ABL2: variants seen among roughly 807,000 people sequenced by gnomAD.
ABL2 encodes the protein ABL proto-oncogene 2, non-receptor tyrosine kinase, also known as tyrosine-protein kinase ABL2.
In ABL2, 49 loss-of-function variants were observed where a neutral mutation model predicts 107.7. The observed-to-expected ratio is 0.45, with a 90% CI of 0.36 to 0.58. The LOEUF (loss-of-function observed/expected upper bound fraction) is 0.58. ABL2 is among the 20% of genes least tolerant of loss of function. The pLI, the probability that ABL2 is intolerant of heterozygous loss-of-function variation, is 0.00. For synonymous variants in ABL2, 549 were observed against 548.6 expected (o/e 1.00, Z -0.01); for missense variants, 1,245 against 1,457.0 (o/e 0.85, Z 2.37).
At chr1:179,147,852 A>T (rs986777253) in intron 1 of ABL2, among the ~76,000 whole-genome samples, 8 of 152,262 alleles carry the variant, frequency 5.3e-5, no homozygotes, top group Admixed American at 6.5e-5. Flanking sequence ...AACTTTTTTT[A>T]AAAAAGCAAT....
chr1:179,156,206 C>T (rs992178045), intron 1 of ABL2, among the ~76,000 whole-genome samples: 13 of 152,300 alleles, frequency 8.5e-5, no homozygotes, highest in South Asian at 2.1e-4. Context: ...TATATACACT[C>T]CCTACATATA....
intron 11 of ABL2, 127 bp downstream of exon 11, chr1:179,110,154 TG>T: frequency 9.0e-7 from 1 of 1,115,372 alleles, no homozygotes; most frequent in Non-Finnish European, 1.3e-6. Context: ...GCTTCATGGG[TG>T]GGTAAAAGAG....
At chr1:179,136,171 G>A (rs1415500640) in intron 1 of ABL2, among the ~76,000 whole-genome samples, 4 of 151,910 alleles carry the variant, frequency 2.6e-5, no homozygotes, top group Non-Finnish European at 5.9e-5. Flanking sequence ...GGGAAGTGAG[G>A]AGCCCCTCTG....
chr1:179,229,170 G>GCCCCCCCCCCCCCCCCCCCCCC lies in ABL2; in HGVS notation c.157+70_157+71insGGGGGGGGGGGGGGGGGGGGGG. On this transcript the variant is annotated intron_variant, in intron 1 of 11. Transcript: ENST00000502732. ...CTCCGACCCCTCGGGCAGCCCGTCCGCCACCCACCCCGCCCCGACCCCACC... is the reference window on the plus strand; with the variant it reads ...CTCCGACCCCTCGGGCAGCCCGTCCGCCCCCCCCCCCCCCCCCCCCCCCCACCCACCCCGCCCCGACCCCACC... 2.6e-5 allele frequency: 7 copies of GCCCCCCCCCCCCCCCCCCCCCC among 266,256 alleles called. 3 individuals are homozygous for GCCCCCCCCCCCCCCCCCCCCCC. Among genetic ancestry groups the GCCCCCCCCCCCCCCCCCCCCCC allele is most frequent in the African/African-American group, 6.0e-5 (2 of 33,060 alleles). The allele number at this position is 266,256 out of a possible 1,614,324, so 16.5% of individuals were successfully genotyped here.
intron 1 of ABL2, among the ~76,000 whole-genome samples, chr1:179,177,780 T>C (rs1660134053): frequency 6.6e-6 from 1 of 152,200 alleles, no homozygotes. Context: ...AGCTTTTTGG[T>C]TGGAGAATAA....
chr1:179,119,546 C>G (rs2102620508), intron 6 of ABL2, among the ~76,000 whole-genome samples: 1 of 150,030 alleles, frequency 6.7e-6, no homozygotes, highest in East Asian at 1.9e-4. Flanking sequence ...CCCCACACCC[C>G]CCCAAAAAAA....
chr1:179,126,678 C>A lies in ABL2; in HGVS notation c.392-6G>T. ...AAGGACTCGTAGCTTTTCACCTAGC[C>A]ATAAGGTCATCACAGGATGAAAGAA... On this transcript the variant is annotated splice_polypyrimidine_tract_variant and splice_region_variant and intron_variant, in intron 3 of 11. Transcript: ENST00000502732. This position sits in a 1 kb window ranked among gnomAD's most constrained non-coding sequence, Gnocchi z 4.4. The A allele has an allele frequency of 6.2e-7, 1 of 1,607,958 alleles. No homozygotes were observed. Among genetic ancestry groups the A allele is most frequent in the South Asian group, 1.1e-5 (1 of 90,766 alleles).
intron 1 of ABL2, among the ~76,000 whole-genome samples, chr1:179,140,497 T>A (rs528952224): frequency 6.6e-6 from 1 of 152,228 alleles, no homozygotes; most frequent in Non-Finnish European, 1.5e-5. Context: ...ATTATATTCA[T>A]GTATCTAAGT....
chr1:179,221,933 T>C (rs1662890558), intron 1 of ABL2: 4 of 235,024 alleles, frequency 1.7e-5, no homozygotes, highest in Admixed American at 8.2e-5. Context: ...AAACCCATGA[T>C]GTTTATGTCA....
intron 1 of ABL2, among the ~76,000 whole-genome samples, chr1:179,152,973 GT>G (rs1202626566): frequency 6.6e-6 from 1 of 152,092 alleles, no homozygotes; most frequent in Non-Finnish European, 1.5e-5. Context: ...CAAAGAAAGA[GT>G]TGCAAGAACA....
intron 1 of ABL2, among the ~76,000 whole-genome samples, chr1:179,153,433 G>A (rs1189185148): frequency 6.6e-6 from 1 of 152,030 alleles, no homozygotes; most frequent in Non-Finnish European, 1.5e-5. Flanking sequence ...AGGTGTCAGC[G>A]GGAGACTCCA....
intron 1 of ABL2, among the ~76,000 whole-genome samples, chr1:179,152,287 G>A (rs930607790): frequency 2.2e-4 from 34 of 152,280 alleles, no homozygotes; most frequent in African/African-American, 7.9e-4. Flanking sequence ...CAGAATTACT[G>A]ACCTCAAGTG....
intron 1 of ABL2, chr1:179,201,516 C>T (rs1661665787): frequency 3.5e-6 from 1 of 282,934 alleles, no homozygotes; most frequent in Non-Finnish European, 6.8e-6. Context: ...CCAAGGGGAA[C>T]ATCCAGTGCC....
intron 1 of ABL2, among the ~76,000 whole-genome samples, chr1:179,149,024 T>G (rs998928710): frequency 2.6e-5 from 4 of 151,958 alleles, no homozygotes; most frequent in Non-Finnish European, 5.9e-5. Context: ...ATAAGTTCAG[T>G]GGGCAAGAAT....
At chr1:179,191,218 T>TAC (rs1302605174) in intron 1 of ABL2, among the ~76,000 whole-genome samples, 1 of 152,174 alleles carries the variant, frequency 6.6e-6, no homozygotes, top group African/African-American at 2.4e-5. Flanking sequence ...ATATTCTTAC[T>TAC]ACATCACAAA....
chr1:179,222,849 G>A (rs373013293), intron 1 of ABL2, among the ~76,000 whole-genome samples: 10 of 151,736 alleles, frequency 6.6e-5, no homozygotes, highest in South Asian at 2.1e-4. Context: ...AGTGGCTCAC[G>A]CCTGTAATCC....
At chr1:179,201,633 C>T (rs1661673008) in intron 1 of ABL2, 1 of 464,384 alleles carries the variant, frequency 2.2e-6, no homozygotes, top group Non-Finnish European at 4.0e-6. Flanking sequence ...CATGGATACC[C>T]AAGAGTCTTC....
chr1:179,164,212 GA>G, intron 1 of ABL2, among the ~76,000 whole-genome samples: 1 of 152,094 alleles, frequency 6.6e-6, no homozygotes, highest in East Asian at 1.9e-4. Flanking sequence ...TAAATTAAGA[GA>G]AAAAAAGCAG....
At chr1:179,201,795 G>A in intron 1 of ABL2, 1 of 953,536 alleles carries the variant, frequency 1.0e-6, no homozygotes, top group South Asian at 1.4e-5. Flanking sequence ...CGGTTGAGGT[G>A]GACAGTTTGG....
Sources: allele counts gnomAD v4.1 joint callset (sites outside exome capture counted in the v4.1 genomes callset), GRCh38; gene constraint gnomAD v4.1.1; non-coding constraint Gnocchi (gnomAD v3.1); transcripts MANE v1.5; gene names NCBI Gene and HGNC (gene_info 2026-07-23, HGNC 2026-07-21).